Variants in DNAH14 observed in about 807,000 individuals in gnomAD.
The protein encoded by DNAH14 is axonemal beta dynein heavy chain 14.
A neutral mutation model predicts 520.9 loss-of-function variants in DNAH14; 478 were observed. That is an observed-to-expected ratio of 0.92 (90% CI 0.85 to 0.99). The LOEUF is 0.99. Ranked by LOEUF, DNAH14 falls within the 50% of genes least tolerant of loss-of-function variation. The pLI is 0.00. For synonymous variants in DNAH14, 1,581 were observed against 1,757.2 expected (o/e 0.90, Z 2.51); for missense variants, 4,831 against 5,234.5 (o/e 0.92, Z 2.38).
Position 225,227,212 on chromosome 1 carries a change from T to C in DNAH14, c.6440-3861T>C, listed in dbSNP as rs773750061. ...GGATGATCAGGTCTTTCCCTTCCCA[T>C]GAGGCCATATCTCAGGCTGTCTCAG... On this transcript the variant is annotated intron_variant, in intron 41 of 85. Transcript: ENST00000682510. Among the ~76,000 whole-genome samples the C allele has an allele frequency of 3.1e-4, 47 of 152,210 alleles. 1 individual carries two copies. Among genetic ancestry groups the C allele is most frequent in the South Asian group, 6.2e-4 (3 of 4,816 alleles).
chr1:225,247,277 C>T (rs765554162), intron 43 of DNAH14, among the ~76,000 whole-genome samples: 14 of 143,854 alleles, frequency 9.7e-5, no homozygotes, highest in Non-Finnish European at 2.1e-4. Flanking sequence ...CTAATGCATG[C>T]GGGGCTGAAA....
chr1:225,079,894 C>T (rs1307075218), intron 18 of DNAH14, among the ~76,000 whole-genome samples: 1 of 151,798 alleles, frequency 6.6e-6, no homozygotes, highest in African/African-American at 2.4e-5. Flanking sequence ...AAGATGGTCT[C>T]GATCTCCTGA....
chr1:225,248,742 T>C (rs1248337592), intron 43 of DNAH14, among the ~76,000 whole-genome samples: 1 of 152,130 alleles, frequency 6.6e-6, no homozygotes, highest in Non-Finnish European at 1.5e-5. Flanking sequence ...GGATCTGCAA[T>C]GACATAACAA....
At chr1:225,185,245 A>G in intron 36 of DNAH14, 46 bp from the exon 37 acceptor site, 1 of 1,524,060 alleles carries the variant, frequency 6.6e-7, no homozygotes, top group Non-Finnish European at 8.8e-7. Flanking sequence ...TGGTTAATAA[A>G]CTTAAAATCA....
At chr1:225,390,368 C>T (rs889459157) in intron 83 of DNAH14, among the ~76,000 whole-genome samples, 4 of 152,042 alleles carry the variant, frequency 2.6e-5, no homozygotes, top group Admixed American at 1.3e-4. Context: ...TCCAACGATG[C>T]GTGGTCGTGG....
At chr1:225,147,977 T>C (rs2080110917) in intron 31 of DNAH14, among the ~76,000 whole-genome samples, 1 of 152,234 alleles carries the variant, frequency 6.6e-6, no homozygotes, top group Non-Finnish European at 1.5e-5. Flanking sequence ...TTCTTTTTTA[T>C]GGCTGCATAG....
At chr1:225,095,178 A>G (rs1294806601) in intron 21 of DNAH14, among the ~76,000 whole-genome samples, 1 of 152,208 alleles carries the variant, frequency 6.6e-6, no homozygotes, top group East Asian at 1.9e-4. Context: ...AAATTGTTCT[A>G]TCATAAAGAC....
At chr1:225,316,779 C>T (rs1021600632) in intron 60 of DNAH14, among the ~76,000 whole-genome samples, 7 of 152,120 alleles carry the variant, frequency 4.6e-5, no homozygotes, top group South Asian at 2.1e-4. Flanking sequence ...GAGCTGCAGA[C>T]CAGAGCTGTT....
At chr1:225,105,128 T>A (rs2075909331) in intron 23 of DNAH14, among the ~76,000 whole-genome samples, 1 of 152,250 alleles carries the variant, frequency 6.6e-6, no homozygotes, top group Non-Finnish European at 1.5e-5. Flanking sequence ...TATTTCTACC[T>A]TCATTTCCTT....
At chr1:225,100,509 G>A (rs1573066916) in intron 22 of DNAH14, among the ~76,000 whole-genome samples, 2 of 152,222 alleles carry the variant, frequency 1.3e-5, no homozygotes, top group East Asian at 3.9e-4. Context: ...AATGATGGTT[G>A]TTGTGTCTAA....
chr1:225,328,044 A>G (rs1295539977), intron 64 of DNAH14, among the ~76,000 whole-genome samples: 1 of 152,122 alleles, frequency 6.6e-6, no homozygotes, highest in African/African-American at 2.4e-5. Context: ...ATTTAATAAA[A>G]TAGTTTCTGA....
chr1:225,099,180 G>A (rs1004209882), intron 22 of DNAH14, among the ~76,000 whole-genome samples: 1 of 152,122 alleles, frequency 6.6e-6, no homozygotes, highest in Admixed American at 6.6e-5. Context: ...GATTTTTGCT[G>A]AGCTACAGAA....
At chr1:225,116,976 C>G (rs551767903) in intron 23 of DNAH14, among the ~76,000 whole-genome samples, 1 of 151,964 alleles carries the variant, frequency 6.6e-6, no homozygotes, top group Non-Finnish European at 1.5e-5. Flanking sequence ...TAGACAGTAG[C>G]TAAAGGAGAA....
rs199529251 is a variant in DNAH14 at position 225,350,564 on chromosome 1, G to A, written c.11297-1083G>A. 2.2e-4 allele frequency among the ~76,000 whole-genome samples: 34 copies of A among 151,966 alleles called. No homozygotes were observed. The East Asian group carries it at 5.8e-3, about 26-fold the overall frequency. On this transcript the variant is annotated intron_variant, in intron 71 of 85. Transcript: ENST00000682510. ...CAAAAAATAAAAATCAGGAAAGAAA[G>A]GGACGACATTAAAGTAGATGCAGAG...
At chr1:225,250,639 C>T in intron 43 of DNAH14, 1 of 524,646 alleles carries the variant, frequency 1.9e-6, no homozygotes, top group Admixed American at 3.6e-5. Flanking sequence ...AAGAACATGA[C>T]ACATTGGGCC....
intron 4 of DNAH14, among the ~76,000 whole-genome samples, chr1:224,962,673 C>T (rs373932053): frequency 6.6e-6 from 1 of 152,174 alleles, no homozygotes; most frequent in African/African-American, 2.4e-5. Context: ...CCAAAATTTG[C>T]CAGACTCCTG....
Position 225,265,231 on chromosome 1 carries a change from A to G in DNAH14, c.7272A>G (p.Lys2424=). The G allele has an allele frequency of 2.6e-6, 4 of 1,513,094 alleles. No homozygotes were observed. Among genetic ancestry groups the G allele is most frequent in the Non-Finnish European group, 3.5e-6 (4 of 1,134,934 alleles). The allele number at this position is 1,513,094 out of a possible 1,614,324, so 93.7% of individuals were successfully genotyped here. ...TTAGAACTAATAAAAAGTTACTTAA[A>G]AATAATGATCATAAAGGAGTTGTAG... is the stretch of plus-strand genomic sequence containing the variant. ...PEVRTNKKLL[K]NNDHKGVVVS... The change falls in exon 48 of 86, where the codon AAA becomes AAG. Residue 2424 remains lysine, a synonymous_variant. Coordinates refer to ENST00000682510, the MANE Select transcript of DNAH14 (RefSeq NM_001367479.1).
At chr1:225,101,165 T>A (rs1246453903) in intron 23 of DNAH14, among the ~76,000 whole-genome samples, 8 of 151,988 alleles carry the variant, frequency 5.3e-5, no homozygotes, top group Non-Finnish European at 1.0e-4. Flanking sequence ...CTTTTTTTTT[T>A]AATATAAGAA....
intron 15 of DNAH14, among the ~76,000 whole-genome samples, chr1:225,044,190 G>A (rs1244323699): frequency 1.3e-5 from 2 of 152,142 alleles, no homozygotes. Flanking sequence ...GTGCATAAAA[G>A]ATGAGAATTA....
Sources: gnomAD v4.1 joint callset for allele counts (sites outside exome capture counted in the v4.1 genomes callset) on GRCh38, gnomAD v4.1.1 for gene constraint, MANE v1.5 for transcripts, NCBI Gene and HGNC (gene_info 2026-07-23, HGNC 2026-07-21) for gene names.